ZFAT: variants seen among roughly 807,000 people sequenced by gnomAD.
The protein encoded by ZFAT is zinc finger protein ZFAT.
A neutral mutation model predicts 117.7 loss-of-function variants in ZFAT; 64 were observed. That is an observed-to-expected ratio of 0.54 (90% confidence interval 0.44 to 0.67). The LOEUF (loss-of-function observed/expected upper bound fraction) is 0.67. Ranked by LOEUF, ZFAT falls within the 30% of genes least tolerant of loss-of-function variation. The probability of loss-of-function intolerance (pLI) is 0.00; values close to 1 mark genes in which losing one functional copy is unlikely to be tolerated. For synonymous variants in ZFAT, 679 were observed against 615.0 expected, an observed-to-expected ratio of 1.10 and a Z score of -1.54; for missense variants, 1,433 against 1,584.5, an observed-to-expected ratio of 0.90 and a Z score of 1.62.
At chr8:134,500,270 A>T (rs1818874492) in intron 15 of ZFAT, among the ~76,000 whole-genome samples, 1 of 152,252 alleles carries the variant, frequency 6.6e-6, no homozygotes, top group South Asian at 2.1e-4. Flanking sequence ...TAATAAACTC[A>T]GCAGTATTAA....
At chr8:134,525,708 AC>A (rs1820980991) in intron 12 of ZFAT, among the ~76,000 whole-genome samples, 1 of 152,132 alleles carries the variant, frequency 6.6e-6, no homozygotes, top group Non-Finnish European at 1.5e-5. Context: ...CAGCCCCAGC[AC>A]CTCCGCCCAC....
At chr8:134,586,140 C>G (rs1826053323) in intron 9 of ZFAT, among the ~76,000 whole-genome samples, 2 of 152,094 alleles carry the variant, frequency 1.3e-5, no homozygotes, top group African/African-American at 4.8e-5. Flanking sequence ...TCCTTCATTA[C>G]AGAGAAAGTT....
chr8:134,589,218 C>T (rs1434352651), intron 8 of ZFAT, among the ~76,000 whole-genome samples: 1 of 152,202 alleles, frequency 6.6e-6, no homozygotes, highest in Admixed American at 6.5e-5. Flanking sequence ...AACTTTGGCT[C>T]ACATTGGATC....
At chr8:134,539,827 C>T (rs540006053) in intron 11 of ZFAT, among the ~76,000 whole-genome samples, 108 of 152,208 alleles carry the variant, frequency 7.1e-4, no homozygotes, top group African/African-American at 2.4e-3. Context: ...GGTAGAAGAG[C>T]GGAGTGTGGG....
chr8:134,636,395 T>C (rs888619888), intron 3 of ZFAT, among the ~76,000 whole-genome samples: 1 of 152,258 alleles, frequency 6.6e-6, no homozygotes, highest in African/African-American at 2.4e-5. Flanking sequence ...TGGCATTCAC[T>C]TGGTGCTTTT....
the ZFAT span, chr8:134,795,510 T>C: frequency 6.6e-6 from 1 of 152,190 alleles, no homozygotes; most frequent in African/African-American, 2.4e-5. Flanking sequence ...ATACAAAATG[T>C]GAAAACTCAA....
intron 11 of ZFAT, among the ~76,000 whole-genome samples, chr8:134,563,110 G>T (rs1824165312): frequency 6.6e-6 from 1 of 152,222 alleles, no homozygotes; most frequent in African/African-American, 2.4e-5. Flanking sequence ...GCTGTGAAAT[G>T]TGAAATAAAG....
chr8:134,743,049 G>A, the ZFAT span, among the ~76,000 whole-genome samples: 1 of 152,246 alleles, frequency 6.6e-6, no homozygotes, highest in Admixed American at 6.5e-5. Flanking sequence ...GTGTGAAAGA[G>A]TGACACATAA....
chr8:134,703,075 G>C (rs1303112040), intron 1 of ZFAT, among the ~76,000 whole-genome samples: 1 of 152,220 alleles, frequency 6.6e-6, no homozygotes, highest in African/African-American at 2.4e-5. Context: ...TAAGAAGCCA[G>C]CAAACTATTT....
intron 1 of ZFAT, among the ~76,000 whole-genome samples, chr8:134,670,668 C>T (rs1832515126): frequency 6.6e-6 from 1 of 152,224 alleles, no homozygotes; most frequent in Non-Finnish European, 1.5e-5. Context: ...CTAAAATTGA[C>T]ACCCTAACGT....
chr8:134,503,396 G>A (rs1819136603), intron 15 of ZFAT, among the ~76,000 whole-genome samples: 1 of 152,226 alleles, frequency 6.6e-6, no homozygotes, highest in Non-Finnish European at 1.5e-5. Flanking sequence ...CTGTGAAACT[G>A]AGAATTTCAC....
chr8:134,524,621 G>T (rs1018027089), intron 12 of ZFAT, among the ~76,000 whole-genome samples: 4 of 152,110 alleles, frequency 2.6e-5, no homozygotes, highest in Non-Finnish European at 4.4e-5. Context: ...AGAGGCCAGG[G>T]ATGCTGCTAC....
At chr8:134,550,310 G>GAA (rs10680896) in intron 11 of ZFAT, among the ~76,000 whole-genome samples, 1,740 of 72,160 alleles carry the variant, frequency 0.024, 92 homozygotes, top group African/African-American at 0.067. Flanking sequence ...GGTCACAACG[G>GAA]AAAAAAAAAA....
intron 15 of ZFAT, among the ~76,000 whole-genome samples, chr8:134,489,106 C>G (rs550200981): frequency 9.2e-5 from 14 of 151,858 alleles, no homozygotes; most frequent in African/African-American, 3.1e-4. Context: ...TAGTTTTACT[C>G]TAAAATTAAT....
At chr8:134,663,117 T>C (rs1832023307) in intron 1 of ZFAT, among the ~76,000 whole-genome samples, 1 of 152,230 alleles carries the variant, frequency 6.6e-6, no homozygotes, top group Non-Finnish European at 1.5e-5. Context: ...CTCCTTGAGA[T>C]CCTGCCTTCG....
chr8:134,586,226 C>T (rs567003300), intron 9 of ZFAT, among the ~76,000 whole-genome samples: 1 of 152,284 alleles, frequency 6.6e-6, no homozygotes, highest in South Asian at 2.1e-4. Flanking sequence ...ATTCTGAAGT[C>T]GCTAAAAATA....
chr8:134,488,060 A>C (rs1380122642), intron 15 of ZFAT, among the ~76,000 whole-genome samples: 1 of 152,212 alleles, frequency 6.6e-6, no homozygotes, highest in East Asian at 1.9e-4. Context: ...TTAGAGAGCG[A>C]ATGAATGCAG....
intron 6 of ZFAT, 75 bp downstream of exon 6, chr8:134,601,402 G>A: frequency 1.3e-6 from 2 of 1,523,168 alleles, no homozygotes; most frequent in East Asian, 2.3e-5. Context: ...ACAGACATGA[G>A]CTCAAATCAA....
At chr8:134,667,484 C>A (rs1472063254) in intron 1 of ZFAT, among the ~76,000 whole-genome samples, 15 of 102,934 alleles carry the variant, frequency 1.5e-4, no homozygotes, top group African/African-American at 4.7e-4. Flanking sequence ...CAGAGTGAGA[C>A]TAAGTCTCAA....
Sources: gnomAD v4.1 joint callset for allele counts (sites outside exome capture counted in the v4.1 genomes callset) on GRCh38, gnomAD v4.1.1 for gene constraint, MANE v1.5 for transcripts, NCBI Gene and HGNC (gene_info 2026-07-23, HGNC 2026-07-21) for gene names.